CREB3L2: variants seen among roughly 807,000 people sequenced by gnomAD.
CREB3L2 encodes the protein cAMP responsive element binding protein 3 like 2.
A neutral mutation model predicts 57.2 loss-of-function variants in CREB3L2; 23 were observed. The observed-to-expected ratio is 0.40, with a 90% CI of 0.29 to 0.57. The LOEUF is 0.57. CREB3L2 is among the 20% of genes least tolerant of loss of function. The pLI, the probability that CREB3L2 is intolerant of heterozygous loss-of-function variation, is 0.42. For synonymous variants in CREB3L2, 268 were observed against 265.1 expected (o/e 1.01, Z -0.11); for missense variants, 628 against 634.7 (o/e 0.99, Z 0.11).
At chr7:137,971,381 C>T (rs887477124) in intron 1 of CREB3L2, among the ~76,000 whole-genome samples, 18 of 150,382 alleles carry the variant, frequency 1.2e-4, no homozygotes, top group Admixed American at 2.7e-4. Flanking sequence ...ACCTGGGAGG[C>T]GGAGCTTGCA....
At chr7:137,912,055 C>A (rs1428063580) in intron 4 of CREB3L2, among the ~76,000 whole-genome samples, 2 of 152,004 alleles carry the variant, frequency 1.3e-5, no homozygotes, top group Non-Finnish European at 2.9e-5. Flanking sequence ...CAGAAAGAAA[C>A]TGACATAGAG....
At chr7:137,941,278 A>T (rs1190667232) in intron 1 of CREB3L2, among the ~76,000 whole-genome samples, 1 of 152,252 alleles carries the variant, frequency 6.6e-6, no homozygotes, top group East Asian at 1.9e-4. Context: ...TCATCGATAC[A>T]AGTCTAATCC....
intron 8 of CREB3L2, among the ~76,000 whole-genome samples, chr7:137,887,200 G>A (rs185805350): frequency 2.0e-5 from 3 of 152,298 alleles, no homozygotes; most frequent in Admixed American, 2.0e-4. Flanking sequence ...GTCTACCCCC[G>A]AATAGCATTC....
chr7:137,924,133 T>C (rs1048025901), intron 2 of CREB3L2, among the ~76,000 whole-genome samples: 38 of 152,250 alleles, frequency 2.5e-4, no homozygotes, highest in Non-Finnish European at 3.1e-4. Context: ...CCTACTAAAT[T>C]CATCAGGAGG....
intron 1 of CREB3L2, among the ~76,000 whole-genome samples, chr7:137,947,711 T>G (rs1339667407): frequency 2.0e-5 from 3 of 152,242 alleles, no homozygotes; most frequent in South Asian, 2.1e-4. Flanking sequence ...CAAGTTGAGT[T>G]TTTTAAAGAA....
At chr7:137,960,867 G>A (rs1801309600) in intron 1 of CREB3L2, among the ~76,000 whole-genome samples, 1 of 129,078 alleles carries the variant, frequency 7.7e-6, no homozygotes, top group Non-Finnish European at 1.5e-5. Flanking sequence ...AGGCTGGAGT[G>A]CAATGGCACG....
chr7:137,979,281 C>T (rs1801670017), intron 1 of CREB3L2, among the ~76,000 whole-genome samples: 1 of 152,116 alleles, frequency 6.6e-6, no homozygotes, highest in Non-Finnish European at 1.5e-5. Flanking sequence ...GAAACTTTTC[C>T]TTTTAGCCTG....
At chr7:137,959,607 C>T (rs748955602) in intron 1 of CREB3L2, among the ~76,000 whole-genome samples, 3 of 152,182 alleles carry the variant, frequency 2.0e-5, no homozygotes, top group Non-Finnish European at 4.4e-5. Context: ...ACCTTAAACA[C>T]CATTCCCAAA....
intron 3 of CREB3L2, among the ~76,000 whole-genome samples, chr7:137,914,434 C>A (rs1800082603): frequency 6.6e-6 from 1 of 152,060 alleles, no homozygotes; most frequent in Admixed American, 6.5e-5. Context: ...GAGTTCGAGA[C>A]CAGCGTGGCC....
In CREB3L2 at chr7:137,931,699, G is replaced by C. The variant is rs185795488; in HGVS notation, c.103-3333C>G. Reference sequence around the variant, plus strand: ...ATACAAAACTTAGCTGGGGGTGGTGGTGCACACCTATAGTCCGAGCTACTC... The same window carrying C: ...ATACAAAACTTAGCTGGGGGTGGTGCTGCACACCTATAGTCCGAGCTACTC... On this transcript the variant is annotated intron_variant, in intron 1 of 11. Transcript: ENST00000330387. Among the ~76,000 whole-genome samples, 342 of 152,046 alleles carry C rather than the reference G, an allele frequency of 2.2e-3. 2 individuals carry two copies. The highest frequency in any genetic ancestry group is 2.9e-3 in the Non-Finnish European group (199 of 67,986).
intron 1 of CREB3L2, among the ~76,000 whole-genome samples, chr7:137,947,259 C>G (rs1801014976): frequency 6.6e-6 from 1 of 151,772 alleles, no homozygotes; most frequent in Admixed American, 6.6e-5. Flanking sequence ...TTTCTGCACC[C>G]AGCTGTGGTA....
intron 7 of CREB3L2, among the ~76,000 whole-genome samples, chr7:137,903,080 G>A (rs771915543): frequency 5.9e-5 from 9 of 152,100 alleles, no homozygotes; most frequent in Non-Finnish European, 8.8e-5. Context: ...CCCAAAGCAC[G>A]GGGATTATAA....
rs566427092 is a variant in CREB3L2, at chr7:137,882,561, C to T, written c.1338G>A (p.Ser446=). 3.8e-5 allele frequency: 61 copies of T among 1,613,596 alleles called. 1 individual carries two copies. Among genetic ancestry groups the T allele is most frequent in the Middle Eastern group, 3.3e-4 (2 of 6,056 alleles). ...SPPEESSSPG[S]AGELGGWDRG... is the part of the protein sequence containing the mutation. ...TATCCCAGCCCCCCAGCTCCCCAGC[C>T]GAGCCCGGGCTGGATGACTCCTCTG... The change falls in exon 11 of 12, where the codon TCG becomes TCA. Residue 446 remains serine, a synonymous_variant. Transcript: ENST00000330387.
At chr7:137,900,001 T>C (rs1443410095) in intron 8 of CREB3L2, among the ~76,000 whole-genome samples, 1 of 152,246 alleles carries the variant, frequency 6.6e-6, no homozygotes, top group African/African-American at 2.4e-5. Flanking sequence ...TAAGTCCATT[T>C]TTCTCTGCTT....
chr7:137,919,643 A>C (rs964206267), intron 2 of CREB3L2, among the ~76,000 whole-genome samples: 74 of 152,352 alleles, frequency 4.9e-4, no homozygotes, highest in African/African-American at 1.8e-3. Context: ...TTATGATGAC[A>C]AAACACTGAA....
chr7:137,970,570 A>C (rs1177317710), intron 1 of CREB3L2, among the ~76,000 whole-genome samples: 2 of 137,086 alleles, frequency 1.5e-5, no homozygotes, highest in Non-Finnish European at 3.1e-5. Flanking sequence ...GTCTTCTTCG[A>C]TAAGCCGGAC....
In CREB3L2 at chr7:137,879,995, G is replaced by A. The variant is rs1292177586; in HGVS notation, c.*481C>T. On this transcript the variant is annotated 3_prime_UTR_variant, in exon 12 of 12. Transcript: ENST00000330387. Reference sequence around the variant, plus strand: ...AGAGTGGGCGGAGGGCTGCTGTCGGGGGTGTTCACACCAGAGACCCCAGTG... The same window carrying A: ...AGAGTGGGCGGAGGGCTGCTGTCGGAGGTGTTCACACCAGAGACCCCAGTG... 4.1e-6 allele frequency: 1 copy of A among 242,922 alleles called. No homozygotes were observed. The highest frequency in any genetic ancestry group is 2.2e-5 in the African/African-American group (1 of 45,438). The allele number at this position is 242,922 out of a possible 1,614,324, so 15.0% of individuals were successfully genotyped here.
intron 1 of CREB3L2, among the ~76,000 whole-genome samples, chr7:137,942,606 TTC>T (rs964313807): frequency 3.7e-4 from 57 of 152,278 alleles, no homozygotes; most frequent in African/African-American, 1.3e-3. Flanking sequence ...GGCCATAATA[TTC>T]TCTTTCTAAG....
In CREB3L2 at chr7:137,908,227, C is replaced by A. The variant is rs1382527293; in HGVS notation, c.768+25G>T. 7.2e-6 allele frequency: 9 copies of A among 1,251,146 alleles called. No homozygotes were observed. In the East Asian group the frequency reaches 1.5e-4, roughly 21 times the overall value. The allele number at this position is 1,251,146 out of a possible 1,614,324, so 77.5% of individuals were successfully genotyped here. ...ATGAATGGAGAGGGTTCCCTTTGGT[C>A]CAGGAATGCCCGCTGCATACTTACA... On this transcript the variant is annotated intron_variant, in intron 5 of 11. Transcript: ENST00000330387.
Sources: gnomAD v4.1 joint callset for allele counts (sites outside exome capture counted in the v4.1 genomes callset) on GRCh38, gnomAD v4.1.1 for gene constraint, MANE v1.5 for transcripts, NCBI Gene and HGNC (gene_info 2026-07-23, HGNC 2026-07-21) for gene names.